MALRD1: variants seen among roughly 807,000 people sequenced by gnomAD.
The protein encoded by MALRD1 is MAM and LDL receptor class A domain containing 1, also known as MAM and LDL-receptor class A domain-containing protein 1.
MALRD1 carries 247 observed loss-of-function variants against 242.1 expected under a neutral mutation model. The observed-to-expected ratio is 1.02, with a 90% CI of 0.92 to 1.13. The LOEUF (loss-of-function observed/expected upper bound fraction) is 1.13, where lower values mean the gene tolerates loss of function less well. Among genes scored for constraint, MALRD1 ranks in the 50% most tolerant of loss-of-function variants. The pLI is 0.00. For synonymous variants in MALRD1, 995 were observed against 866.6 expected (o/e 1.15, Z -2.60); for missense variants, 2,989 against 2,533.1 (o/e 1.18, Z -3.86).
At chr10:19,534,771 AT>A (rs1333424427) in intron 32 of MALRD1, among the ~76,000 whole-genome samples, 1 of 152,138 alleles carries the variant, frequency 6.6e-6, no homozygotes, top group Admixed American at 6.5e-5. Context: ...CAATTAAAAA[AT>A]TTATAATTTT....
intron 38 of MALRD1, among the ~76,000 whole-genome samples, chr10:19,723,373 G>T (rs531111703): frequency 1.3e-4 from 20 of 152,122 alleles, no homozygotes; most frequent in Non-Finnish European, 2.6e-4. Context: ...ACCAAAATAC[G>T]ACAGAAATAA....
chr10:19,407,035 G>A (rs1217109051), intron 28 of MALRD1, among the ~76,000 whole-genome samples: 1 of 152,084 alleles, frequency 6.6e-6, no homozygotes, highest in Non-Finnish European at 1.5e-5. Flanking sequence ...TCTTCCTGAT[G>A]AATTCCAACT....
chr10:19,335,423 T>G (rs1340765027), intron 24 of MALRD1, among the ~76,000 whole-genome samples: 3 of 152,084 alleles, frequency 2.0e-5, no homozygotes, highest in Non-Finnish European at 2.9e-5. Context: ...GTGTTTCCAG[T>G]CTACTGGTCT....
chr10:19,572,347 A>G (rs958143679), intron 33 of MALRD1, among the ~76,000 whole-genome samples: 1 of 152,212 alleles, frequency 6.6e-6, no homozygotes, highest in Non-Finnish European at 1.5e-5. Context: ...GGAGGATCTC[A>G]TCTGTCTCCA....
rs567820769 is a variant in MALRD1, at chr10:19,461,316, T to G, written c.5029+10826T>G. 7.9e-5 allele frequency among the ~76,000 whole-genome samples: 12 copies of G among 152,210 alleles called. No individual in the cohort carries two copies. The South Asian group carries it at 2.3e-3, about 29-fold the overall frequency. On this transcript the variant is annotated intron_variant, in intron 29 of 39. Coordinates refer to ENST00000454679, the MANE Select transcript of MALRD1 (RefSeq NM_001142308.3). ...GAGTTTAAAATCGTTGATTAAAAGG[T>G]CAGGAAGGAGTTCAGAGAAAGAAAC...
chr10:19,388,204 T>C (rs1434734342), intron 27 of MALRD1, among the ~76,000 whole-genome samples: 1 of 152,186 alleles, frequency 6.6e-6, no homozygotes, highest in Admixed American at 6.5e-5. Flanking sequence ...GACCCAGTCA[T>C]ATTGGATTAG....
chr10:19,565,076 C>G (rs560055762), intron 32 of MALRD1, among the ~76,000 whole-genome samples: 10 of 152,002 alleles, frequency 6.6e-5, no homozygotes, highest in African/African-American at 2.2e-4. Flanking sequence ...TACAAACTGG[C>G]CAGAAATTTC....
Position 19,443,695 on chromosome 10 carries a change from A to G in MALRD1, c.4846-6612A>G, listed in dbSNP as rs183636931. On this transcript the variant is annotated intron_variant, in intron 28 of 39. Transcript: ENST00000454679. The stretch of plus-strand genomic sequence containing the variant: ...ACTGTGGTCTGTGAGACAGTTTGTT[A>G]TAATTTCTGTTCTTTTACATTTGCT... Among the ~76,000 whole-genome samples, 688 of 152,268 alleles carry G rather than the reference A, an allele frequency of 4.5e-3. 6 individuals carry two copies. Among genetic ancestry groups the G allele is most frequent in the African/African-American group, 0.015 (639 of 41,544 alleles).
At chr10:19,733,178 GGC>G (rs1835363588) in intron 39 of MALRD1, among the ~76,000 whole-genome samples, 1 of 152,088 alleles carries the variant, frequency 6.6e-6, no homozygotes, top group Non-Finnish European at 1.5e-5. Flanking sequence ...GAATATTCAT[GGC>G]AACATTCGTT....
chr10:19,221,855 C>T (rs530756562), intron 18 of MALRD1, among the ~76,000 whole-genome samples: 7 of 149,808 alleles, frequency 4.7e-5, no homozygotes, highest in Non-Finnish European at 8.9e-5. Flanking sequence ...ATATAACCTA[C>T]GTTGAAAAGA....
At chr10:19,371,218 T>C (rs2130747274) in intron 26 of MALRD1, among the ~76,000 whole-genome samples, 1 of 152,060 alleles carries the variant, frequency 6.6e-6, no homozygotes, top group Non-Finnish European at 1.5e-5. Context: ...TACTGCACTT[T>C]AGCCTGGGCA....
chr10:19,580,909 G>T (rs1217411441), intron 33 of MALRD1, among the ~76,000 whole-genome samples: 2 of 152,012 alleles, frequency 1.3e-5, no homozygotes, highest in African/African-American at 4.8e-5. Flanking sequence ...CGCATGCCAG[G>T]ACTCTCTGAG....
At chr10:19,456,887 C>T (rs970748732) in intron 29 of MALRD1, among the ~76,000 whole-genome samples, 1 of 151,832 alleles carries the variant, frequency 6.6e-6, no homozygotes, top group Non-Finnish European at 1.5e-5. Flanking sequence ...ATTCTCATGC[C>T]TCAGCCTCGT....
chr10:19,656,137 A>G (rs910306464), intron 36 of MALRD1, among the ~76,000 whole-genome samples: 4 of 152,110 alleles, frequency 2.6e-5, no homozygotes, highest in African/African-American at 4.8e-5. Context: ...GTGGATTTGC[A>G]CTAAGGAAAA....
chr10:19,695,522 T>C (rs1157612237), intron 38 of MALRD1, among the ~76,000 whole-genome samples: 1 of 39,510 alleles, frequency 2.5e-5, no homozygotes, highest in African/African-American at 1.2e-4. Flanking sequence ...TTTCTTTCTT[T>C]TTTTTTTTTT....
In MALRD1 at chr10:19,595,377, C is replaced by G. The variant is rs1290391944; in HGVS notation, c.5864C>G (p.Ser1955Cys). 6 of 1,550,494 alleles carry G rather than the reference C, an allele frequency of 3.9e-6. No individual in the cohort carries two copies. Among genetic ancestry groups the G allele is most frequent in the Non-Finnish European group, 4.4e-6 (5 of 1,146,948 alleles). The change falls in exon 34 of 40, where the codon TCT becomes TGT. Residue 1955 changes from serine (S) to cysteine (C), a missense_variant. Transcript: ENST00000454679. Reference protein sequence around the residue: ...PLCSNMEFPCSTDECIPSLLL... With the variant: ...PLCSNMEFPCCTDECIPSLLL... ...TGTAGTAACATGGAGTTCCCGTGCTCTACAGACGAGTGTATACCTTCCCTC... is the reference window on the plus strand; with the variant it reads ...TGTAGTAACATGGAGTTCCCGTGCTGTACAGACGAGTGTATACCTTCCCTC...
At chr10:19,338,885 G>T (rs936472945) in intron 24 of MALRD1, among the ~76,000 whole-genome samples, 1 of 145,230 alleles carries the variant, frequency 6.9e-6, no homozygotes, top group African/African-American at 2.5e-5. Flanking sequence ...ACACACACAC[G>T]CACATATATA....
chr10:19,491,609 C>A lies in MALRD1; in HGVS notation c.5122C>A (p.Pro1708Thr). ...ATCCCACCTTCTTTGTGACTATAAG[C>A]CAGACTGCTCTGATAGGTCTGATGA... is the stretch of plus-strand genomic sequence containing the variant. ...IASHLLCDYK[P>T]DCSDRSDEAH... The change falls in exon 30 of 40, where the codon CCA becomes ACA. Residue 1708 changes from proline to threonine, a missense_variant. Transcript: ENST00000454679. 2 of 1,550,074 alleles carry A rather than the reference C, an allele frequency of 1.3e-6. No homozygotes were observed. Among genetic ancestry groups the A allele is most frequent in the South Asian group, 2.4e-5 (2 of 84,058 alleles).
At chr10:19,269,144 C>T (rs1259699852) in intron 19 of MALRD1, among the ~76,000 whole-genome samples, 1 of 151,982 alleles carries the variant, frequency 6.6e-6, no homozygotes, top group Non-Finnish European at 1.5e-5. Context: ...TATAGGCCAA[C>T]AAAACCCTAT....
Sources: allele counts gnomAD v4.1 joint callset (sites outside exome capture counted in the v4.1 genomes callset), GRCh38; gene constraint gnomAD v4.1.1; transcripts MANE v1.5; gene names NCBI Gene and HGNC (gene_info 2026-07-23, HGNC 2026-07-21).